The following NMS variants were observed in gnomAD, a reference collection of about 807,000 sequenced individuals.
NMS encodes neuromedin S.
Under a neutral mutation model 32.2 loss-of-function variants are expected in NMS, and 30 were observed. The observed-to-expected ratio is 0.93, with a 90% CI of 0.70 to 1.26. NMS has a LOEUF of 1.26. Ranked by LOEUF, NMS falls within the 50% of genes most tolerant of loss-of-function variation. The pLI, the probability that NMS is intolerant of heterozygous loss-of-function variation, is 0.00. For missense variants in NMS, 190 were observed against 186.3 expected (o/e 1.02, Z -0.12); for synonymous variants, 76 against 58.5 (o/e 1.30, Z -1.37).
chr2:100,481,628 A>C (rs1018739615), intron 8 of NMS, among the ~76,000 whole-genome samples: 2 of 152,240 alleles, frequency 1.3e-5, no homozygotes, highest in African/African-American at 4.8e-5. Flanking sequence ...TGAGATTCTC[A>C]GTATTTGCAC....
At chr2:100,481,089 A>G (rs1677207517) in intron 7 of NMS, 37 bp from the exon 8 acceptor site, 2 of 1,607,136 alleles carry the variant, frequency 1.2e-6, no homozygotes, top group Non-Finnish European at 1.7e-6. Context: ...GTAATGCAAT[A>G]TGGTTGCATA....
At chr2:100,475,985 C>T (rs893457279) in intron 3 of NMS, among the ~76,000 whole-genome samples, 15 of 138,640 alleles carry the variant, frequency 1.1e-4, no homozygotes, top group African/African-American at 3.1e-4. Context: ...GGTGATGGAG[C>T]GAGACCCTAT....
chr2:100,480,345 TC>T lies in NMS; in HGVS notation c.337-148del, dbSNP rs1364439835. On this transcript the variant is annotated intron_variant, in intron 6 of 9. Transcript: ENST00000376865. ...TTGCTAGAGAAGATCACGGCAGTGA[TC>T]CCACCATTTGCCATGCTCTCCACCT... 4.1e-6 allele frequency: 3 copies of T among 728,192 alleles called. No individual in the cohort carries two copies. In the African/African-American group the frequency reaches 5.4e-5, roughly 13 times the overall value. The allele number at this position is 728,192 out of a possible 1,614,324, so 45.1% of individuals were successfully genotyped here.
intron 1 of NMS, among the ~76,000 whole-genome samples, chr2:100,471,053 T>C (rs550016018): frequency 6.6e-6 from 1 of 151,926 alleles, no homozygotes; most frequent in South Asian, 2.1e-4. Flanking sequence ...AGAAGCAGGG[T>C]TCCAGAGTGT....
chr2:100,472,704 A>G (rs904169420), intron 1 of NMS, 91 bp from the exon 2 acceptor site: 8 of 792,168 alleles, frequency 1.0e-5, no homozygotes, highest in Non-Finnish European at 1.5e-5. Context: ...TTATTATTTT[A>G]ACAGAATGTC....
rs924043351 is a variant in NMS at position 100,481,255 on chromosome 2, G to A, written c.414+88G>A. The A allele has an allele frequency of 6.5e-6, 8 of 1,229,376 alleles. No individual in the cohort carries two copies. In the African/African-American group the frequency reaches 7.4e-5, roughly 11 times the overall value. 76.2% of individuals were successfully genotyped at this position (1,229,376 alleles called of 1,614,324 possible). On this transcript the variant is annotated intron_variant, in intron 8 of 9. Coordinates refer to ENST00000376865, the MANE Select transcript of NMS (RefSeq NM_001011717.1). The stretch of plus-strand genomic sequence containing the variant: ...GAGTGACTGCAAACAGCAGAGCCAG[G>A]ACCCCTTGGTAAACTGGTGGATAAT...
At chr2:100,480,407 C>A in intron 6 of NMS, 89 bp from the exon 7 acceptor site, 2 of 1,351,020 alleles carry the variant, frequency 1.5e-6, no homozygotes, top group Non-Finnish European at 2.1e-6. Context: ...ATCTTAGAAG[C>A]AAGGCAGGGA....
rs147987730 is a variant in NMS, at chr2:100,473,115, G to A, written c.132+265G>A. Among the ~76,000 whole-genome samples the A allele has an allele frequency of 1.8e-3, 278 of 152,244 alleles. 1 individual carries two copies. The highest frequency in any genetic ancestry group is 6.3e-3 in the African/African-American group (261 of 41,552). ...TTGTAATAAAATTCTGCTGACTGAA[G>A]AATTTAAGCTTATCTTTGATTCGTT... is the stretch of plus-strand genomic sequence containing the variant. On this transcript the variant is annotated intron_variant, in intron 2 of 9. Coordinates refer to ENST00000376865, the MANE Select transcript of NMS (RefSeq NM_001011717.1).
chr2:100,476,386 CAT>C (rs1266355784), intron 3 of NMS, among the ~76,000 whole-genome samples: 1 of 152,196 alleles, frequency 6.6e-6, no homozygotes, highest in African/African-American at 2.4e-5. Context: ...TGCATCCACA[CAT>C]ATGTACATGG....
At chr2:100,480,395 C>A in intron 6 of NMS, 101 bp from the exon 7 acceptor site, 1 of 1,228,620 alleles carries the variant, frequency 8.1e-7, no homozygotes, top group Non-Finnish European at 1.2e-6. Flanking sequence ...AGACTTCTGA[C>A]TATCTTAGAA....
chr2:100,479,211 G>A (rs1180247791), intron 5 of NMS, 142 bp from the exon 6 acceptor site: 4 of 544,156 alleles, frequency 7.4e-6, no homozygotes, highest in Non-Finnish European at 1.3e-5. Flanking sequence ...TCAGGCTTTG[G>A]CTCAAAAATG....
rs1247195330 is a variant in NMS at position 100,480,509 on chromosome 2, C to T, written c.350C>T (p.Ala117Val). ...ATTTCCTTGCAGGGCTCGGGGACTG[C>T]TGCAGTGGACTTCACCAAGAAGGTA... ...KRILQRGSGT[A>V]AVDFTKKDHT... Residue 117 changes from alanine (A) to valine (V), a missense_variant, in exon 7 of 10, where the codon GCT becomes GTT. Physicochemically the swap from Ala to Val is moderately conservative, Grantham distance 64. Transcript: ENST00000376865. 6.2e-7 allele frequency: 1 copy of T among 1,613,276 alleles called. No homozygotes were observed. Among genetic ancestry groups the T allele is most frequent in the African/African-American group, 1.3e-5 (1 of 75,026 alleles).
Position 100,480,542 on chromosome 2 carries a change from G to A in NMS, c.372+11G>A, listed in dbSNP as rs763128614. The A allele has an allele frequency of 6.2e-7, 1 of 1,612,670 alleles. No homozygotes were observed. Among genetic ancestry groups the A allele is most frequent in the Non-Finnish European group, 8.5e-7 (1 of 1,179,980 alleles). Reference sequence around the variant, plus strand: ...GACTTCACCAAGAAGGTACACAAGAGCCTTGGAGACTGCGACCCCCAAAGA... The same window carrying A: ...GACTTCACCAAGAAGGTACACAAGAACCTTGGAGACTGCGACCCCCAAAGA... On this transcript the variant is annotated intron_variant, in intron 7 of 9. Transcript: ENST00000376865.
intron 9 of NMS, among the ~76,000 whole-genome samples, chr2:100,482,806 C>A (rs190766240): frequency 6.6e-6 from 1 of 152,186 alleles, no homozygotes; most frequent in South Asian, 2.1e-4. Flanking sequence ...TAATCTGGAA[C>A]GATTCCTTGG....
In NMS at chr2:100,477,360, GT is replaced by G; in HGVS notation, c.212del (p.Leu71CysfsTer24). 6.2e-7 allele frequency: 1 copy of G among 1,613,364 alleles called. No individual in the cohort carries two copies. On this transcript the variant is annotated frameshift_variant and splice_region_variant, in exon 5 of 10. Transcript: ENST00000376865. LOFTEE classifies it high-confidence loss of function. ...PKDNQDIYKR[F>X]LFHYSRTQEA... Reference sequence around the variant, plus strand: ...TAATATCACTTTCTTTTCTTATTTAGTTTTTGTTTCACTACTCCAGAACTCA... The same window carrying G: ...TAATATCACTTTCTTTTCTTATTTAGTTTTGTTTCACTACTCCAGAACTCA...
chr2:100,470,605 G>A (rs1174905297), intron 1 of NMS, 41 bp downstream of exon 1: 1 of 1,486,896 alleles, frequency 6.7e-7, no homozygotes, highest in Admixed American at 1.7e-5. Flanking sequence ...CCTAAACTCT[G>A]AGGATGTCTG....
rs368142963 is a variant in NMS, at chr2:100,473,488, G to T, written c.133-1G>T. 100 of 1,482,946 alleles carry T rather than the reference G, an allele frequency of 6.7e-5. No homozygotes were observed. The highest frequency in any genetic ancestry group is 8.3e-5 in the Non-Finnish European group (92 of 1,106,676). The allele number at this position is 1,482,946 out of a possible 1,614,324, so 91.9% of individuals were successfully genotyped here. A position where few individuals can be genotyped will look rare whatever the true frequency, so the allele number is the denominator to read the frequency against. On this transcript the variant is annotated splice_acceptor_variant, in intron 2 of 9. Coordinates refer to ENST00000376865, the MANE Select transcript of NMS (RefSeq NM_001011717.1). LOFTEE classifies it high-confidence loss of function. Reference sequence around the variant, plus strand: ...TTTGTTTTCTTCATTTTATTTTTTAGCAGCTGGCATATTGTCTGAGTCAGT... The same window carrying T: ...TTTGTTTTCTTCATTTTATTTTTTATCAGCTGGCATATTGTCTGAGTCAGT...
chr2:100,476,739 C>T (rs1479286461), intron 3 of NMS, among the ~76,000 whole-genome samples: 7 of 152,156 alleles, frequency 4.6e-5, no homozygotes, highest in African/African-American at 7.2e-5. Flanking sequence ...CCATCATCTA[C>T]GCAAGCCAGG....
chr2:100,481,811 C>A (rs1677222118), intron 8 of NMS, among the ~76,000 whole-genome samples: 1 of 152,256 alleles, frequency 6.6e-6, no homozygotes, highest in African/African-American at 2.4e-5. Flanking sequence ...AGAAGTCCTG[C>A]AGAACACAAC....
Sources: gnomAD v4.1 joint callset for allele counts (sites outside exome capture counted in the v4.1 genomes callset) on GRCh38, gnomAD v4.1.1 for gene constraint, MANE v1.5 for transcripts, NCBI Gene and HGNC (gene_info 2026-07-23, HGNC 2026-07-21) for gene names.